Variants in GTF2IRD1 observed in about 807,000 individuals in gnomAD.
The protein encoded by GTF2IRD1 is general transcription factor II-I repeat domain-containing protein 1.
GTF2IRD1 carries 26 observed loss-of-function variants against 113.2 expected under a neutral mutation model. That is an observed-to-expected ratio of 0.23 (90% CI 0.17 to 0.32). The LOEUF is 0.32. Ranked by LOEUF, GTF2IRD1 falls within the 10% of genes least tolerant of loss-of-function variation. The pLI, the probability that GTF2IRD1 is intolerant of heterozygous loss-of-function variation, is 1.00. For synonymous variants in GTF2IRD1, 484 were observed against 529.1 expected, an observed-to-expected ratio of 0.91 and a Z score of 1.17; for missense variants, 864 against 1,280.8, an observed-to-expected ratio of 0.67 and a Z score of 4.97.
chr7:74,585,110 G>GTTTT (rs781982819), intron 22 of GTF2IRD1, among the ~76,000 whole-genome samples: 4 of 121,962 alleles, frequency 3.3e-5, no homozygotes, highest in Admixed American at 8.6e-5. Context: ...CCTGTTTGGT[G>GTTTT]TTTTTTTTTT....
chr7:74,530,829 C>T (rs1374479182), intron 9 of GTF2IRD1, among the ~76,000 whole-genome samples: 3 of 152,160 alleles, frequency 2.0e-5, no homozygotes, highest in Non-Finnish European at 2.9e-5. Context: ...GGGCAAGTTA[C>T]TTAACCACTC....
chr7:74,586,454 A>C (rs1311502666), intron 22 of GTF2IRD1, among the ~76,000 whole-genome samples: 3 of 152,066 alleles, frequency 2.0e-5, no homozygotes, highest in South Asian at 2.1e-4. Flanking sequence ...GGAATGGCTG[A>C]TGTTTGCAGT....
intron 17 of GTF2IRD1, among the ~76,000 whole-genome samples, chr7:74,547,945 G>A (rs1799055480): frequency 6.6e-6 from 1 of 152,084 alleles, no homozygotes; most frequent in Non-Finnish European, 1.5e-5. Context: ...GGGTTCTCCA[G>A]GCTGGCGTGT....
intron 9 of GTF2IRD1, among the ~76,000 whole-genome samples, chr7:74,533,943 C>T (rs1798127058): frequency 6.6e-6 from 1 of 151,850 alleles, no homozygotes; most frequent in African/African-American, 2.4e-5. Flanking sequence ...GTAGGAGGAT[C>T]GCTTGAACCC....
intron 6 of GTF2IRD1, among the ~76,000 whole-genome samples, chr7:74,520,682 A>C (rs1797229434): frequency 6.7e-6 from 1 of 149,092 alleles, no homozygotes; most frequent in Admixed American, 6.8e-5. Context: ...CTGTAATTCC[A>C]GCTCTTTGGG....
intron 1 of GTF2IRD1, among the ~76,000 whole-genome samples, chr7:74,493,141 A>G (rs61443188): frequency 0.17 from 24,547 of 140,350 alleles, 2,179 homozygotes; most frequent in Middle Eastern, 0.26. Flanking sequence ...TAGGGGTCTC[A>G]CTGTCTTGCT....
At chr7:74,456,071 G>A (rs1261883246) in intron 1 of GTF2IRD1, among the ~76,000 whole-genome samples, 1 of 152,176 alleles carries the variant, frequency 6.6e-6, no homozygotes, top group Non-Finnish European at 1.5e-5. Flanking sequence ...TTCATTGAAG[G>A]CAGCCTCCCA....
intron 4 of GTF2IRD1, among the ~76,000 whole-genome samples, chr7:74,516,117 G>T (rs1292170336): frequency 6.6e-6 from 1 of 152,218 alleles, no homozygotes; most frequent in African/African-American, 2.4e-5. Flanking sequence ...GCACTCGCTG[G>T]TGCATTTCAC....
At chr7:74,493,867 C>A (rs1378713778) in intron 1 of GTF2IRD1, among the ~76,000 whole-genome samples, 5 of 152,076 alleles carry the variant, frequency 3.3e-5, no homozygotes, top group African/African-American at 1.2e-4. Context: ...TACAGGCATG[C>A]ACCACCACAC....
At chr7:74,524,417 T>C (rs1554346772) in intron 8 of GTF2IRD1, among the ~76,000 whole-genome samples, 1 of 151,662 alleles carries the variant, frequency 6.6e-6, no homozygotes, top group Non-Finnish European at 1.5e-5. Context: ...GCGGGACAGG[T>C]TGGGGGCAGA....
At chr7:74,525,129 A>G (rs587774567) in intron 8 of GTF2IRD1, among the ~76,000 whole-genome samples, 1 of 152,314 alleles carries the variant, frequency 6.6e-6, no homozygotes, top group East Asian at 1.9e-4. Flanking sequence ...AGTCCCCCAC[A>G]GTAACACACC....
intron 1 of GTF2IRD1, among the ~76,000 whole-genome samples, chr7:74,486,317 A>G (rs1795023928): frequency 6.6e-6 from 1 of 152,176 alleles, no homozygotes; most frequent in Non-Finnish European, 1.5e-5. Flanking sequence ...AACAGGAGGC[A>G]TGGGTGGGTG....
At chr7:74,587,271 C>T (rs587720024) in intron 22 of GTF2IRD1, among the ~76,000 whole-genome samples, 1 of 152,128 alleles carries the variant, frequency 6.6e-6, no homozygotes, top group Admixed American at 6.6e-5. Context: ...ATGGCAAAAC[C>T]CCATCTCTAC....
In GTF2IRD1 at chr7:74,556,078, C is replaced by T. The variant is rs182177917; in HGVS notation, c.2023+584C>T. Among the ~76,000 whole-genome samples the T allele has an allele frequency of 9.9e-3, 1,511 of 151,960 alleles. 15 individuals carry two copies. Among genetic ancestry groups the T allele is most frequent in the Non-Finnish European group, 0.016 (1,094 of 67,968 alleles). On this transcript the variant is annotated intron_variant, in intron 19 of 26. Transcript: ENST00000424337. The stretch of plus-strand genomic sequence containing the variant: ...CAGCCTGGCCAACATGGTGAAACCC[C>T]GTGTCTACCAAAAAAATACAAGAAT...
At chr7:74,522,670 T>C (rs1381770631) in intron 7 of GTF2IRD1, among the ~76,000 whole-genome samples, 1 of 152,156 alleles carries the variant, frequency 6.6e-6, no homozygotes, top group Admixed American at 6.6e-5. Context: ...AATGTCCAGA[T>C]GGAACAGTAT....
intron 1 of GTF2IRD1, among the ~76,000 whole-genome samples, chr7:74,456,716 C>T (rs1322009778): frequency 1.3e-5 from 2 of 151,932 alleles, no homozygotes; most frequent in Non-Finnish European, 2.9e-5. Flanking sequence ...GTAGTCTTGC[C>T]GTTTTCCTGA....
At chr7:74,523,942 G>T (rs1309424090) in intron 7 of GTF2IRD1, 129 bp from the exon 8 acceptor site, 2 of 679,200 alleles carry the variant, frequency 2.9e-6, no homozygotes, top group Non-Finnish European at 5.4e-6. Flanking sequence ...GGTGGGAGAG[G>T]GTGGAAGGAC....
chr7:74,538,861 TTC>T, intron 13 of GTF2IRD1, 101 bp downstream of exon 13: 2 of 694,832 alleles, frequency 2.9e-6, no homozygotes, highest in Non-Finnish European at 5.1e-6. Flanking sequence ...AGGCCGCTGT[TTC>T]TCTCTGTGGA....
intron 22 of GTF2IRD1, among the ~76,000 whole-genome samples, chr7:74,582,015 A>C (rs587640622): frequency 4.9e-4 from 75 of 152,258 alleles, no homozygotes; most frequent in Admixed American, 7.9e-4. Flanking sequence ...AACTCAAAAA[A>C]ATAAATAAAT....
Sources: allele counts gnomAD v4.1 joint callset (sites outside exome capture counted in the v4.1 genomes callset), GRCh38; gene constraint gnomAD v4.1.1; transcripts MANE v1.5; gene names NCBI Gene and HGNC (gene_info 2026-07-23, HGNC 2026-07-21).